The following OR2G6 variants were observed in gnomAD, a reference collection of about 807,000 sequenced individuals.
OR2G6 encodes the protein olfactory receptor 2G6.
For missense variants in OR2G6, 457 were observed against 391.3 expected (o/e 1.17, Z -1.42); for synonymous variants, 183 against 155.2 (o/e 1.18, Z -1.33).
Position 248,524,871 on chromosome 1 carries a change from A to T in OR2G6, c.*2274A>T, listed in dbSNP as rs867048309. On this transcript the variant is annotated 3_prime_UTR_variant, in exon 2 of 2. Coordinates refer to ENST00000641804, the MANE Select transcript of OR2G6 (RefSeq NM_001013355.2). ...TAGCTGTAAGTTATTTGCACCCAAA[A>T]GGAAACCAGAAAATAATAGATATAA... The T allele has an allele frequency of 2.0e-5, 3 of 151,980 alleles. No individual in the cohort carries two copies. Among genetic ancestry groups the T allele is most frequent in the Non-Finnish European group, 4.4e-5 (3 of 68,020 alleles). The allele number at this position is 151,980 out of a possible 1,614,324, so 9.4% of individuals were successfully genotyped here.
chr1:248,521,536 T>G, intron 1 of OR2G6, 75 bp from the exon 2 acceptor site: 1 of 759,484 alleles, frequency 1.3e-6, no homozygotes, highest in East Asian at 2.5e-5. Flanking sequence ...ATAAGGAAGA[T>G]AATTATACTG....
Position 248,522,314 on chromosome 1 carries a change from AAGCTGTGTTAAGGATAAAATC to A in OR2G6, c.674_694del (p.Val225_Ala231del). ...TTAGTCTCCTATGGCTTTATCACTC[AAGCTGTGTTAAGGATAAAATC>A]AGCTGCGGGCCGCCAAAAGGCCTTT... On this transcript the variant is annotated inframe_deletion, in exon 2 of 2. Transcript: ENST00000641804. 6.2e-7 allele frequency: 1 copy of A among 1,614,092 alleles called. No individual in the cohort carries two copies. Among genetic ancestry groups the A allele is most frequent in the Non-Finnish European group, 8.5e-7 (1 of 1,180,012 alleles).
Position 248,521,684 on chromosome 1 carries a change from T to C in OR2G6, c.38T>C (p.Leu13Pro), listed in dbSNP as rs1341897925. The change falls in exon 2 of 2, where the codon CTT becomes CCT. Residue 13 changes from leucine to proline, a missense_variant. By Grantham distance (98) the Leu-to-Pro change is moderately conservative. Transcript: ENST00000641804. Reference protein sequence around the residue: ...ETNNSSEKGFLLLGFSDQPQL... With the variant: ...ETNNSSEKGFPLLGFSDQPQL... Reference sequence around the variant, plus strand: ...AACAACAGCTCTGAAAAGGGATTTCTTCTCCTGGGATTTTCAGATCAGCCT... The same window carrying C: ...AACAACAGCTCTGAAAAGGGATTTCCTCTCCTGGGATTTTCAGATCAGCCT... The C allele has an allele frequency of 1.9e-6, 3 of 1,614,026 alleles. 1 individual carries two copies. The South Asian group carries it at 3.3e-5, about 18-fold the overall frequency.
In OR2G6 at chr1:248,522,191, C is replaced by A; in HGVS notation, c.545C>A (p.Pro182Gln). Residue 182 changes from proline to glutamine, a missense_variant, in exon 2 of 2, where the codon CCA becomes CAA. Transcript: ENST00000641804. ...CTGGATCATATTTTCTGTGAGGTGCCAGTGCTCATCAAACTGGCCTGTGTG... is the reference window on the plus strand; with the variant it reads ...CTGGATCATATTTTCTGTGAGGTGCAAGTGCTCATCAAACTGGCCTGTGTG... ...RTLDHIFCEV[P>Q]VLIKLACVDT... The A allele has an allele frequency of 6.2e-7, 1 of 1,614,154 alleles. No individual in the cohort carries two copies. The highest frequency in any genetic ancestry group is 8.5e-7 in the Non-Finnish European group (1 of 1,180,026).
rs539957054 is a variant in OR2G6 at position 248,520,340 on chromosome 1, T to C, written c.-36-1271T>C. ...ATACCTAACATAGATGACAATTTGATGGCTGCAGGAAACCACCATGGCATG... is the reference window on the plus strand; with the variant it reads ...ATACCTAACATAGATGACAATTTGACGGCTGCAGGAAACCACCATGGCATG... On this transcript the variant is annotated intron_variant, in intron 1 of 1. Transcript: ENST00000641804. 5.7e-4 allele frequency among the ~76,000 whole-genome samples: 87 copies of C among 152,260 alleles called. 1 individual carries two copies. The South Asian group carries it at 0.017, about 29-fold the overall frequency.
In OR2G6 at chr1:248,522,196, C is replaced by A. The variant is rs1433666370; in HGVS notation, c.550C>A (p.Leu184Ile). 1 of 1,614,158 alleles carries A rather than the reference C, an allele frequency of 6.2e-7. No homozygotes were observed. ...TCATATTTTCTGTGAGGTGCCAGTG[C>A]TCATCAAACTGGCCTGTGTGGATAC... ...LDHIFCEVPV[L>I]IKLACVDTTF... is the part of the protein sequence containing the mutation. The change falls in exon 2 of 2, where the codon CTC becomes ATC. Residue 184 changes from leucine (L) to isoleucine (I), a missense_variant. Transcript: ENST00000641804.
rs1664337761 is a variant in OR2G6 at position 248,523,653 on chromosome 1, CTT to C, written c.*1059_*1060del. The C allele has an allele frequency of 7.4e-6, 1 of 135,564 alleles. No individual in the cohort carries two copies. The highest frequency in any genetic ancestry group is 1.6e-5 in the Non-Finnish European group (1 of 63,156). 8.4% of individuals were successfully genotyped at this position (135,564 alleles called of 1,614,324 possible). Reference sequence around the variant, plus strand: ...AAATGTATTCTTATATTTGACCAAACTTTTACTTTCTGATTTAATTCTGTCTC... The same window carrying C: ...AAATGTATTCTTATATTTGACCAAACTTACTTTCTGATTTAATTCTGTCTC... On this transcript the variant is annotated 3_prime_UTR_variant, in exon 2 of 2. Coordinates refer to ENST00000641804, the MANE Select transcript of OR2G6 (RefSeq NM_001013355.2).
intron 1 of OR2G6, among the ~76,000 whole-genome samples, chr1:248,520,264 G>C (rs1175654479): frequency 6.6e-6 from 1 of 152,096 alleles, no homozygotes; most frequent in Non-Finnish European, 1.5e-5. Context: ...TCACACACCA[G>C]GGCCTGTTGG....
In OR2G6 at chr1:248,524,128, A is replaced by G. The variant is rs1198801718; in HGVS notation, c.*1531A>G. ...TAGCCTGTCTACGAATGTTAAGGAT[A>G]ACGTTTGGACCTGCCTCTCCTACCA... is the stretch of plus-strand genomic sequence containing the variant. On this transcript the variant is annotated 3_prime_UTR_variant, in exon 2 of 2. Transcript: ENST00000641804. 1 of 152,170 alleles carries G rather than the reference A, an allele frequency of 6.6e-6. No homozygotes were observed. The highest frequency in any genetic ancestry group is 2.4e-5 in the African/African-American group (1 of 41,434). 9.4% of individuals were successfully genotyped at this position (152,170 alleles called of 1,614,324 possible).
At chr1:248,521,093 C>T (rs1202597068) in intron 1 of OR2G6, among the ~76,000 whole-genome samples, 1 of 145,286 alleles carries the variant, frequency 6.9e-6, no homozygotes, top group Non-Finnish European at 1.5e-5. Context: ...AGTGGTGGCA[C>T]ACGCCTGTAG....
Position 248,523,988 on chromosome 1 carries a change from G to T in OR2G6, c.*1391G>T, listed in dbSNP as rs188138413. Reference sequence around the variant, plus strand: ...CTTGCTCTGTTGCCCAGGCTGGAGTGCAGTGGCTCAATCATGGCTCACTGC... The same window carrying T: ...CTTGCTCTGTTGCCCAGGCTGGAGTTCAGTGGCTCAATCATGGCTCACTGC... On this transcript the variant is annotated 3_prime_UTR_variant, in exon 2 of 2. Coordinates refer to ENST00000641804, the MANE Select transcript of OR2G6 (RefSeq NM_001013355.2). The T allele has an allele frequency of 1.3e-5, 2 of 152,394 alleles. No individual in the cohort carries two copies. The highest frequency in any genetic ancestry group is 3.9e-4 in the East Asian group (2 of 5,180). 9.4% of individuals were successfully genotyped at this position (152,394 alleles called of 1,614,324 possible). A position where few individuals can be genotyped will look rare whatever the true frequency, so the allele number is the denominator to read the frequency against.
intron 1 of OR2G6, among the ~76,000 whole-genome samples, chr1:248,510,062 TAC>T (rs1407856342): frequency 5.8e-5 from 1 of 17,174 alleles, no homozygotes; most frequent in Non-Finnish European, 1.1e-4. Context: ...GAATAACCAT[TAC>T]AGTTTACACC....
At position 248,522,369 on chromosome 1, in the gene OR2G6, T is replaced by G. The variant is rs772006652; in HGVS notation, c.723T>G (p.Cys241Trp). 1 of 1,614,202 alleles carries G rather than the reference T, an allele frequency of 6.2e-7. No individual in the cohort carries two copies. The highest frequency in any genetic ancestry group is 8.5e-7 in the Non-Finnish European group (1 of 1,180,020). ...GCCGCCAAAAGGCCTTTGGGACCTGTTCGTCTCACCTGGTTGTGGTCATCA... is the reference window on the plus strand; with the variant it reads ...GCCGCCAAAAGGCCTTTGGGACCTGGTCGTCTCACCTGGTTGTGGTCATCA... ...AAGRQKAFGTCSSHLVVVIIF... is the reference protein window; with the variant it reads ...AAGRQKAFGTWSSHLVVVIIF... The change falls in exon 2 of 2, where the codon TGT (cysteine) becomes TGG (tryptophan). Residue 241 changes from cysteine (C) to tryptophan (W), a missense_variant. Physicochemically the swap from Cys to Trp is radical, Grantham distance 215. Coordinates refer to ENST00000641804, the MANE Select transcript of OR2G6 (RefSeq NM_001013355.2).
In OR2G6 at chr1:248,523,721, GCTTT is replaced by G. The variant is rs374117723; in HGVS notation, c.*1129_*1132del. 1.7e-4 allele frequency: 26 copies of G among 152,022 alleles called. No individual in the cohort carries two copies. The highest frequency in any genetic ancestry group is 5.5e-4 in the African/African-American group (23 of 41,468). 9.4% of individuals were successfully genotyped at this position (152,022 alleles called of 1,614,324 possible). A position where few individuals can be genotyped will look rare whatever the true frequency, so the allele number is the denominator to read the frequency against. ...CTTTGTGTGTCTCAGCCTCTTTCTTGCTTTCTTTTCCCAAAACGATTGAACTTCA... is the reference window on the plus strand; with the variant it reads ...CTTTGTGTGTCTCAGCCTCTTTCTTGCTTTTCCCAAAACGATTGAACTTCA... On this transcript the variant is annotated 3_prime_UTR_variant, in exon 2 of 2. Transcript: ENST00000641804.
At position 248,522,402 on chromosome 1, in the gene OR2G6, T is replaced by C. The variant is rs1664310269; in HGVS notation, c.756T>C (p.Tyr252=). 1.2e-6 allele frequency: 2 copies of C among 1,614,198 alleles called. No homozygotes were observed. The highest frequency in any genetic ancestry group is 1.1e-5 in the South Asian group (1 of 91,088). ...SSHLVVVIIF[Y]GTIIFMYLQP... ...ACCTGGTTGTGGTCATCATTTTCTA[T>C]GGGACCATCATATTCATGTACCTTC... is the stretch of plus-strand genomic sequence containing the variant. The change falls in exon 2 of 2, where the codon TAT becomes TAC. Residue 252 remains tyrosine (Y), a synonymous_variant. Coordinates refer to ENST00000641804, the MANE Select transcript of OR2G6 (RefSeq NM_001013355.2).
In OR2G6 at chr1:248,523,519, T is replaced by G. The variant is rs552921923; in HGVS notation, c.*922T>G. 3.9e-5 allele frequency: 6 copies of G among 152,296 alleles called. No homozygotes were observed. The East Asian group carries it at 1.2e-3, about 29-fold the overall frequency. 9.4% of individuals were successfully genotyped at this position (152,296 alleles called of 1,614,324 possible). ...ACAGTTACTTATGTAATTTTATACT[T>G]CAAAAATTTGAAATATGAATCCCAC... On this transcript the variant is annotated 3_prime_UTR_variant, in exon 2 of 2. Coordinates refer to ENST00000641804, the MANE Select transcript of OR2G6 (RefSeq NM_001013355.2).
rs1454363603 is a variant in OR2G6, at chr1:248,525,569, C to T, written c.*2972C>T. The stretch of plus-strand genomic sequence containing the variant: ...AATGGGAGGCACTTACTATTTAAAC[C>T]CTAACCCAAATGGTCAGTAAAAAGA... On this transcript the variant is annotated 3_prime_UTR_variant, in exon 2 of 2. Transcript: ENST00000641804. 1 of 151,702 alleles carries T rather than the reference C, an allele frequency of 6.6e-6. No homozygotes were observed. The allele number at this position is 151,702 out of a possible 1,614,324, so 9.4% of individuals were successfully genotyped here. A position where few individuals can be genotyped will look rare whatever the true frequency, so the allele number is the denominator to read the frequency against.
chr1:248,522,429 A>T lies in OR2G6; in HGVS notation c.783A>T (p.Gln261His), dbSNP rs988117883. Residue 261 changes from glutamine (Q) to histidine (H), a missense_variant, in exon 2 of 2, where the codon CAA (glutamine) becomes CAT (histidine). By Grantham distance (24) the Gln-to-His change is conservative. Transcript: ENST00000641804. ...FYGTIIFMYL[Q>H]PANRRSKNQG... The stretch of plus-strand genomic sequence containing the variant: ...GGACCATCATATTCATGTACCTTCA[A>T]CCGGCCAATAGGAGATCCAAAAACC... 1.9e-6 allele frequency: 3 copies of T among 1,614,068 alleles called. No homozygotes were observed. Among genetic ancestry groups the T allele is most frequent in the Non-Finnish European group, 2.5e-6 (3 of 1,180,004 alleles).
rs772346237 is a variant in OR2G6, at chr1:248,522,153, T to G, written c.507T>G (p.Cys169Trp). The G allele has an allele frequency of 1.2e-6, 2 of 1,614,138 alleles. No individual in the cohort carries two copies. Among genetic ancestry groups the G allele is most frequent in the East Asian group, 4.5e-5 (2 of 44,878 alleles). Residue 169 changes from cysteine to tryptophan, a missense_variant, in exon 2 of 2, where the codon TGT becomes TGG. Transcript: ENST00000641804. ...CCCTCACTGTGCAGCTGCCCCTCTG[T>G]GGTCATCGCACACTGGATCATATTT... ...QCSLTVQLPL[C>W]GHRTLDHIFC...
Sources: gnomAD v4.1 joint callset for allele counts (sites outside exome capture counted in the v4.1 genomes callset) on GRCh38, gnomAD v4.1.1 for gene constraint, MANE v1.5 for transcripts, NCBI Gene and HGNC (gene_info 2026-07-23, HGNC 2026-07-21) for gene names.